PHEX: variants seen among roughly 807,000 people sequenced by gnomAD.
The protein encoded by PHEX is phosphate-regulating neutral endopeptidase PHEX.
Under a neutral mutation model 68.0 loss-of-function variants are expected in PHEX, and 16 were observed. The ratio of observed to expected loss-of-function variants is 0.24; its 90% CI spans 0.16 to 0.36. The LOEUF is 0.36. PHEX is among the 10% of genes least tolerant of loss of function. The probability of loss-of-function intolerance (pLI) is 1.00; values close to 1 mark genes in which losing one functional copy is unlikely to be tolerated. For synonymous variants in PHEX, 208 were observed against 205.1 expected, an observed-to-expected ratio of 1.01 and a Z score of -0.12; for missense variants, 480 against 575.5, an observed-to-expected ratio of 0.83 and a Z score of 1.70.
At chrX:22,217,757 G>A (rs1402128624) in intron 16 of PHEX, among the ~76,000 whole-genome samples, 1 of 111,598 alleles carries the variant, frequency 9.0e-6, no homozygotes, top group East Asian at 2.8e-4. Flanking sequence ...ACTTTCTTAC[G>A]CTGTACAAGG....
At position 22,161,719 on chromosome X, in the gene PHEX, A is replaced by G. The variant is rs112168498; in HGVS notation, c.1405-6593A>G. Among the ~76,000 whole-genome samples the G allele has an allele frequency of 8.6e-3, 958 of 111,822 alleles. 9 individuals carry two copies. The highest frequency in any genetic ancestry group is 0.03 in the African/African-American group (921 of 30,763). On this transcript the variant is annotated intron_variant, in intron 12 of 21. Transcript: ENST00000379374. ...GTATTAGAAGATTCTCTCAGCTACA[A>G]AACCTCTCATTTAATTGTATTTATT...
chrX:22,104,050 A>C (rs766149165), intron 9 of PHEX, among the ~76,000 whole-genome samples: 1 of 111,910 alleles, frequency 8.9e-6, no homozygotes, highest in South Asian at 3.7e-4. Context: ...CCTGATAATT[A>C]GTGATGTTGA....
At chrX:22,224,985 C>CGCTGTATGATTTATTATCATACAGG (rs1935418804) in intron 18 of PHEX, among the ~76,000 whole-genome samples, 1 of 107,162 alleles carries the variant, frequency 9.3e-6, no homozygotes, top group Non-Finnish European at 2.0e-5. Flanking sequence ...TATCATACAG[C>CGCTGTATGATTTATTATCATACAGG]TCTGTATGTC....
chrX:22,113,530 G>A (rs1345472484), intron 10 of PHEX, among the ~76,000 whole-genome samples: 1 of 111,959 alleles, frequency 8.9e-6, no homozygotes, highest in Non-Finnish European at 1.9e-5. Flanking sequence ...TTACTTGTTT[G>A]TAAATGTTTT....
At chrX:22,101,162 C>A (rs752171141) in intron 9 of PHEX, among the ~76,000 whole-genome samples, 1 of 111,521 alleles carries the variant, frequency 9.0e-6, no homozygotes, top group African/African-American at 3.3e-5. Flanking sequence ...GGTGACATAG[C>A]GAGACTCTGT....
At chrX:22,055,207 A>AAAAAAC (rs1928039353) in intron 3 of PHEX, among the ~76,000 whole-genome samples, 1 of 96,538 alleles carries the variant, frequency 1.0e-5, no homozygotes, top group East Asian at 3.2e-4. Context: ...AAAAAAAAAA[A>AAAAAAC]AAAAAAAACA....
At chrX:22,142,255 C>A (rs1033244029) in intron 12 of PHEX, among the ~76,000 whole-genome samples, 2 of 111,922 alleles carry the variant, frequency 1.8e-5, no homozygotes, top group East Asian at 5.6e-4. Flanking sequence ...CTATCTCTCA[C>A]ACACACAAAA....
chrX:22,112,987 A>T (rs1444690201), intron 10 of PHEX, among the ~76,000 whole-genome samples: 1 of 107,891 alleles, frequency 9.3e-6, no homozygotes, highest in East Asian at 2.9e-4. Context: ...ATGGGTTAAG[A>T]TACAAAACAA....
At chrX:22,060,154 C>CAA (rs34000062) in intron 3 of PHEX, among the ~76,000 whole-genome samples, 14,837 of 69,744 alleles carry the variant, frequency 0.21, 1,258 homozygotes, top group Admixed American at 0.3. Flanking sequence ...AGCCCTGTCT[C>CAA]AAAAAAAAAA....
chrX:22,090,585 G>C, intron 6 of PHEX, 88 bp downstream of exon 6: 1 of 621,015 alleles, frequency 1.6e-6, no homozygotes, highest in Non-Finnish European at 2.7e-6. Context: ...TATTGGAAAT[G>C]AGCAGTGTGG....
In PHEX at chrX:22,248,637, G is replaced by A. The variant is rs1024182173; in HGVS notation, c.*684G>A. On this transcript the variant is annotated 3_prime_UTR_variant, in exon 22 of 22. Transcript: ENST00000379374. Reference sequence around the variant, plus strand: ...GCTCGCAGAAAGGCTACTAGGTAACGGATTTGAGTTTATTCAGTAGAAAAA... The same window carrying A: ...GCTCGCAGAAAGGCTACTAGGTAACAGATTTGAGTTTATTCAGTAGAAAAA... The A allele has an allele frequency of 8.9e-6, 1 of 111,980 alleles. No homozygotes were observed. The highest frequency in any genetic ancestry group is 1.9e-5 in the Non-Finnish European group (1 of 53,366). The allele number at this position is 111,980 out of a possible 1,213,427, so 9.2% of individuals were successfully genotyped here. A position where few individuals can be genotyped will look rare whatever the true frequency, so the allele number is the denominator to read the frequency against.
intron 5 of PHEX, among the ~76,000 whole-genome samples, chrX:22,080,862 G>A (rs1265015662): frequency 8.9e-6 from 1 of 111,770 alleles, no homozygotes; most frequent in African/African-American, 3.3e-5. Flanking sequence ...ACGGAAGGGT[G>A]AATTAGAATT....
At chrX:22,102,873 CCTT>C (rs1930492307) in intron 9 of PHEX, among the ~76,000 whole-genome samples, 2 of 112,159 alleles carry the variant, frequency 1.8e-5, no homozygotes. Flanking sequence ...GCCAGCCAAG[CCTT>C]CTCACATTGG....
At chrX:22,043,606 C>A (rs994349856) in intron 2 of PHEX, among the ~76,000 whole-genome samples, 2 of 111,232 alleles carry the variant, frequency 1.8e-5, no homozygotes, top group Admixed American at 9.6e-5. Flanking sequence ...AAGGGCTTAG[C>A]GTAGGTCCTG....
intron 20 of PHEX, among the ~76,000 whole-genome samples, chrX:22,236,912 CAAACT>C (rs1454273174): frequency 8.9e-6 from 1 of 112,039 alleles, no homozygotes; most frequent in Non-Finnish European, 1.9e-5. Flanking sequence ...GATATAATAC[CAAACT>C]AAACTATAGC....
intron 2 of PHEX, among the ~76,000 whole-genome samples, chrX:22,041,265 CTATATATATA>C (rs556410356): frequency 0.015 from 1,099 of 72,781 alleles, 39 homozygotes; most frequent in African/African-American, 0.054. Flanking sequence ...CTCTCTCTCT[CTATATATATA>C]TATATATATA....
Position 22,190,475 on chromosome X carries a change from T to G in PHEX, c.1618T>G (p.Phe540Val). 1 of 1,198,983 alleles carries G rather than the reference T, an allele frequency of 8.3e-7. No individual in the cohort carries two copies. Among genetic ancestry groups the G allele is most frequent in the Non-Finnish European group, 1.1e-6 (1 of 883,443 alleles). The stretch of plus-strand genomic sequence containing the variant: ...TACAAATCCGACGACTGTCAATGCC[T>G]TCTACAGTGCATCCACCAACCAGAT... The part of the protein sequence containing the change: ...WFTNPTTVNA[F>V]YSASTNQIRF... Residue 540 changes from phenylalanine (F) to valine (V), a missense_variant, in exon 15 of 22, where the codon TTC (phenylalanine) becomes GTC (valine). Coordinates refer to ENST00000379374, the MANE Select transcript of PHEX (RefSeq NM_000444.6).
At chrX:22,151,179 G>T (rs985021765) in intron 12 of PHEX, among the ~76,000 whole-genome samples, 2 of 112,094 alleles carry the variant, frequency 1.8e-5, no homozygotes, top group African/African-American at 6.5e-5. Context: ...GCTATTAATG[G>T]TAGCAGAGAG....
At chrX:22,164,410 T>C (rs1654938890) in intron 12 of PHEX, among the ~76,000 whole-genome samples, 1 of 112,064 alleles carries the variant, frequency 8.9e-6, no homozygotes, top group African/African-American at 3.2e-5. Context: ...TAAATAGGGA[T>C]TCTTTGTATG....
Sources: gnomAD v4.1 joint callset for allele counts (sites outside exome capture counted in the v4.1 genomes callset) on GRCh38, gnomAD v4.1.1 for gene constraint, MANE v1.5 for transcripts, NCBI Gene and HGNC (gene_info 2026-07-23, HGNC 2026-07-21) for gene names.